The following CNTN5 variants were observed in gnomAD, a reference collection of about 807,000 sequenced individuals.
The protein encoded by CNTN5 is contactin 5, also known as contactin-5.
A neutral mutation model predicts 129.1 loss-of-function variants in CNTN5; 77 were observed. The ratio of observed to expected loss-of-function variants is 0.60; its 90% CI spans 0.50 to 0.72. The LOEUF (loss-of-function observed/expected upper bound fraction) is 0.72. CNTN5 is among the 30% of genes least tolerant of loss of function. The probability of loss-of-function intolerance (pLI) is 0.00; values close to 1 mark genes in which losing one functional copy is unlikely to be tolerated. For missense variants in CNTN5, 1,478 were observed against 1,328.8 expected (o/e 1.11, Z -1.75); for synonymous variants, 509 against 465.6 (o/e 1.09, Z -1.20).
chr11:99,822,555 A>G (rs572781252), intron 4 of CNTN5, among the ~76,000 whole-genome samples: 2 of 152,346 alleles, frequency 1.3e-5, no homozygotes, highest in South Asian at 2.1e-4. Flanking sequence ...AAGTGGTATA[A>G]TTTTAAAACA....
At chr11:99,994,591 G>T (rs1939328442) in intron 8 of CNTN5, among the ~76,000 whole-genome samples, 1 of 152,114 alleles carries the variant, frequency 6.6e-6, no homozygotes, top group African/African-American at 2.4e-5. Context: ...AGAGGCTTAG[G>T]TTTAATAAGC....
intron 2 of CNTN5, among the ~76,000 whole-genome samples, chr11:99,334,245 A>C (rs1177341786): frequency 6.6e-6 from 1 of 152,126 alleles, no homozygotes; most frequent in Non-Finnish European, 1.5e-5. Context: ...ATGTGAGAAG[A>C]TAGATGGGCC....
chr11:99,595,820 T>C (rs1039118472), intron 3 of CNTN5, among the ~76,000 whole-genome samples: 2 of 152,038 alleles, frequency 1.3e-5, no homozygotes, highest in African/African-American at 2.4e-5. Context: ...ATCTTTATAA[T>C]TAAAATCAAT....
chr11:99,107,060 C>T (rs1363770000), intron 1 of CNTN5, among the ~76,000 whole-genome samples: 1 of 152,140 alleles, frequency 6.6e-6, no homozygotes, highest in Non-Finnish European at 1.5e-5. Flanking sequence ...TATCTGTTAT[C>T]AAACAAGTGA....
At chr11:99,717,991 T>G (rs1224484252) in intron 3 of CNTN5, among the ~76,000 whole-genome samples, 1 of 152,110 alleles carries the variant, frequency 6.6e-6, no homozygotes, top group Non-Finnish European at 1.5e-5. Flanking sequence ...CATTGCGAAT[T>G]TCAACTCAGG....
At chr11:99,849,127 TGAA>T (rs1947793771) in intron 6 of CNTN5, among the ~76,000 whole-genome samples, 1 of 151,888 alleles carries the variant, frequency 6.6e-6, no homozygotes, top group Admixed American at 6.6e-5. Flanking sequence ...TATACTTAAT[TGAA>T]GAATTAAGTT....
chr11:100,090,805 A>T (rs533107719), intron 13 of CNTN5, among the ~76,000 whole-genome samples: 99 of 151,992 alleles, frequency 6.5e-4, no homozygotes, highest in African/African-American at 2.4e-3. Flanking sequence ...TTTTTACCAC[A>T]GAAATAAAAT....
intron 1 of CNTN5, among the ~76,000 whole-genome samples, chr11:99,112,699 T>C (rs531004540): frequency 6.6e-6 from 1 of 152,136 alleles, no homozygotes; most frequent in East Asian, 1.9e-4. Flanking sequence ...TTAATTTCAA[T>C]ATTGTAAAAG....
chr11:99,563,409 G>A (rs1439496542), intron 3 of CNTN5, among the ~76,000 whole-genome samples: 4 of 152,004 alleles, frequency 2.6e-5, no homozygotes, highest in African/African-American at 9.7e-5. Flanking sequence ...GAGGAGGAGT[G>A]TGTGTCTTTC....
At chr11:99,962,163 CTG>C (rs1274581919) in intron 8 of CNTN5, among the ~76,000 whole-genome samples, 4 of 151,910 alleles carry the variant, frequency 2.6e-5, no homozygotes, top group Admixed American at 6.6e-5. Flanking sequence ...TATTCAAAAA[CTG>C]TTTTTATTAT....
At chr11:99,777,841 G>T (rs1038178820) in intron 3 of CNTN5, among the ~76,000 whole-genome samples, 1 of 151,604 alleles carries the variant, frequency 6.6e-6, no homozygotes, top group Non-Finnish European at 1.5e-5. Flanking sequence ...ACATATGTAC[G>T]ATTTTACCTA....
At chr11:99,721,811 A>G (rs901672641) in intron 3 of CNTN5, among the ~76,000 whole-genome samples, 2 of 152,200 alleles carry the variant, frequency 1.3e-5, no homozygotes, top group African/African-American at 2.4e-5. Context: ...ACCCCATTTA[A>G]AAAGTGGGCA....
chr11:100,354,269 T>C (rs778727330), intron 24 of CNTN5, among the ~76,000 whole-genome samples: 2 of 151,666 alleles, frequency 1.3e-5, no homozygotes, highest in Non-Finnish European at 3.0e-5. Context: ...TTCAGAAGAC[T>C]TCTGGCTTGA....
At chr11:99,272,312 A>G (rs1303114442) in intron 1 of CNTN5, among the ~76,000 whole-genome samples, 4 of 150,982 alleles carry the variant, frequency 2.6e-5, no homozygotes, top group Non-Finnish European at 5.9e-5. Context: ...TTTTTTTTTA[A>G]CTGCAAATCA....
At chr11:100,174,814 T>C (rs1222867027) in intron 13 of CNTN5, among the ~76,000 whole-genome samples, 3 of 152,164 alleles carry the variant, frequency 2.0e-5, no homozygotes, top group Non-Finnish European at 4.4e-5. Context: ...GCAGTGATGC[T>C]GAGCCCCAGG....
At chr11:99,154,959 G>A (rs1240673266) in intron 1 of CNTN5, among the ~76,000 whole-genome samples, 4 of 152,140 alleles carry the variant, frequency 2.6e-5, no homozygotes, top group Non-Finnish European at 5.9e-5. Context: ...CCTGCTCCAC[G>A]TCCAGACAGT....
chr11:100,060,699 G>A (rs552025686), intron 9 of CNTN5, among the ~76,000 whole-genome samples: 189 of 148,322 alleles, frequency 1.3e-3, no homozygotes, highest in African/African-American at 4.7e-3. Flanking sequence ...GAGTGCAGTG[G>A]CGCGATCTCG....
chr11:99,234,366 G>C (rs2135738058), intron 1 of CNTN5, among the ~76,000 whole-genome samples: 1 of 152,198 alleles, frequency 6.6e-6, no homozygotes, highest in East Asian at 1.9e-4. Flanking sequence ...CCAAAATAAA[G>C]GATTCTGTCT....
intron 1 of CNTN5, among the ~76,000 whole-genome samples, chr11:99,031,513 T>C (rs1434028307): frequency 6.6e-6 from 1 of 151,450 alleles, no homozygotes; most frequent in African/African-American, 2.4e-5. Context: ...AACTATTGGA[T>C]AGAGAGGAAA....
Sources: gnomAD v4.1 joint callset for allele counts (sites outside exome capture counted in the v4.1 genomes callset) on GRCh38, gnomAD v4.1.1 for gene constraint, MANE v1.5 for transcripts, NCBI Gene and HGNC (gene_info 2026-07-23, HGNC 2026-07-21) for gene names.